RIMS2: variants seen among roughly 807,000 people sequenced by gnomAD.
RIMS2 encodes regulating synaptic membrane exocytosis 2.
In RIMS2, 59 loss-of-function variants were observed where a neutral mutation model predicts 174.4. The observed-to-expected ratio is 0.34, with a 90% CI of 0.27 to 0.42. The LOEUF is 0.42. RIMS2 is among the 10% of genes least tolerant of loss of function. The pLI is 1.00. For synonymous variants in RIMS2, 606 were observed against 572.5 expected (o/e 1.06, Z -0.84); for missense variants, 1,620 against 1,666.3 (o/e 0.97, Z 0.48).
intron 17 of RIMS2, among the ~76,000 whole-genome samples, chr8:104,000,354 A>G (rs771776592): frequency 2.6e-5 from 4 of 151,484 alleles, no homozygotes; most frequent in Admixed American, 6.6e-5. Context: ...CTCCATTTTC[A>G]TTCTTCTTGC....
Position 103,574,879 on chromosome 8 carries a change from C to T in RIMS2, c.176+73817C>T, listed in dbSNP as rs150566527. On this transcript the variant is annotated intron_variant, in intron 1 of 23. Coordinates refer to ENST00000504942, the Ensembl canonical transcript of RIMS2. ...CAAAGGAGATAGAAGATATTTCTAG[C>T]CCTTGTTGTGAAGTAACTTTAAATC... is the stretch of plus-strand genomic sequence containing the variant. 3.9e-3 allele frequency among the ~76,000 whole-genome samples: 590 copies of T among 152,264 alleles called. 5 individuals are homozygous for T. Among genetic ancestry groups the T allele is most frequent in the Non-Finnish European group, 3.1e-3 (213 of 68,010 alleles).
chr8:104,066,116 A>G (rs2097101657), intron 19 of RIMS2, among the ~76,000 whole-genome samples: 1 of 152,162 alleles, frequency 6.6e-6, no homozygotes, highest in Non-Finnish European at 1.5e-5. Context: ...CTTATTATAT[A>G]TGCATTGTCT....
At chr8:103,818,010 T>TA (rs1386420205) in intron 3 of RIMS2, among the ~76,000 whole-genome samples, 3 of 151,922 alleles carry the variant, frequency 2.0e-5, no homozygotes, top group African/African-American at 7.2e-5. Context: ...AATAATAAAA[T>TA]AAAATAATAA....
intron 1 of RIMS2, among the ~76,000 whole-genome samples, chr8:103,602,176 A>G (rs1236950450): frequency 6.6e-6 from 1 of 151,970 alleles, no homozygotes; most frequent in Non-Finnish European, 1.5e-5. Context: ...TTTAGTAGAG[A>G]CGGGGTTTCA....
chr8:103,873,206 C>T (rs1157104956), intron 3 of RIMS2, among the ~76,000 whole-genome samples: 1 of 152,036 alleles, frequency 6.6e-6, no homozygotes, highest in Non-Finnish European at 1.5e-5. Flanking sequence ...TCTATTCTGC[C>T]CCTTAGGATA....
chr8:104,005,385 T>A (rs1214182091), intron 17 of RIMS2, among the ~76,000 whole-genome samples: 2 of 152,136 alleles, frequency 1.3e-5, no homozygotes, highest in Non-Finnish European at 2.9e-5. Flanking sequence ...AAAGAATAAG[T>A]AGCTTCTGCA....
chr8:103,888,760 AC>A (rs1346248731), intron 4 of RIMS2, among the ~76,000 whole-genome samples: 1 of 151,662 alleles, frequency 6.6e-6, no homozygotes, highest in Non-Finnish European at 1.5e-5. Context: ...AATTAGCAAA[AC>A]TAAAACATTT....
intron 4 of RIMS2, among the ~76,000 whole-genome samples, chr8:103,892,459 C>T (rs1443688964): frequency 3.9e-5 from 6 of 151,960 alleles, no homozygotes; most frequent in Non-Finnish European, 8.8e-5. Context: ...CTGCCTCAGC[C>T]TCCCAAAGTG....
chr8:103,635,148 G>A (rs2096043919), intron 1 of RIMS2, among the ~76,000 whole-genome samples: 1 of 152,202 alleles, frequency 6.6e-6, no homozygotes, highest in Non-Finnish European at 1.5e-5. Context: ...TGTGTGGCTT[G>A]TTTTACAGTA....
chr8:103,518,784 T>C (rs1011992271), intron 1 of RIMS2, among the ~76,000 whole-genome samples: 2 of 152,104 alleles, frequency 1.3e-5, no homozygotes, highest in Admixed American at 6.5e-5. Context: ...CTCACTAGCA[T>C]GAGAATTCTT....
chr8:103,794,138 C>A (rs2098529247), intron 3 of RIMS2, among the ~76,000 whole-genome samples: 1 of 151,896 alleles, frequency 6.6e-6, no homozygotes, highest in Non-Finnish European at 1.5e-5. Context: ...CATCCTAAGC[C>A]AAAAGAACAA....
At chr8:103,922,635 A>T (rs2077915087) in intron 10 of RIMS2, 1 of 402,242 alleles carries the variant, frequency 2.5e-6, no homozygotes, top group Non-Finnish European at 5.0e-6. Flanking sequence ...TTTTGGATTA[A>T]AAAAAAGTTA....
chr8:103,876,547 C>G (rs948492194), intron 3 of RIMS2, among the ~76,000 whole-genome samples: 1 of 151,296 alleles, frequency 6.6e-6, no homozygotes, highest in Middle Eastern at 3.2e-3. Context: ...GCACCCATCA[C>G]CTGAGCAGTA....
At chr8:103,679,973 G>A (rs982079040) in intron 1 of RIMS2, among the ~76,000 whole-genome samples, 1 of 151,960 alleles carries the variant, frequency 6.6e-6, no homozygotes, top group Admixed American at 6.6e-5. Context: ...CCTTTGCATC[G>A]CAGTGGCAGA....
chr8:104,252,527 C>CA (rs34435746), downstream of RIMS2: 59,735 of 130,238 alleles, frequency 0.46, 12,770 homozygotes, highest in East Asian at 0.77. Context: ...CTGCAACTTG[C>CA]AAAAAAAAAA....
chr8:103,624,554 T>G (rs953133365), intron 1 of RIMS2, among the ~76,000 whole-genome samples: 1 of 152,220 alleles, frequency 6.6e-6, no homozygotes, highest in Non-Finnish European at 1.5e-5. Flanking sequence ...TTATAAGAAT[T>G]TCTTTTGCTT....
At chr8:103,754,610 A>G (rs916468574) in intron 2 of RIMS2, among the ~76,000 whole-genome samples, 2 of 152,004 alleles carry the variant, frequency 1.3e-5, no homozygotes, top group African/African-American at 4.8e-5. Context: ...AATCTGGGTG[A>G]TCCTGTATTG....
exon 3 of RIMS2, chr8:103,766,236 G>A: frequency 1.2e-6 from 2 of 1,610,652 alleles, no homozygotes; most frequent in Non-Finnish European, 1.7e-6. Context: ...GGTTATGTGG[G>A]TATGTAATTT....
chr8:104,102,808 C>T (rs1279853149), intron 19 of RIMS2, among the ~76,000 whole-genome samples: 1 of 152,138 alleles, frequency 6.6e-6, no homozygotes, highest in Non-Finnish European at 1.5e-5. Context: ...CCCCATGATT[C>T]AATTACCTCC....
Sources: gnomAD v4.1 joint callset for allele counts (sites outside exome capture counted in the v4.1 genomes callset) on GRCh38, gnomAD v4.1.1 for gene constraint, MANE v1.5 for transcripts, NCBI Gene and HGNC (gene_info 2026-07-23, HGNC 2026-07-21) for gene names.